TSC22D1: variants seen among roughly 807,000 people sequenced by gnomAD.
TSC22D1 encodes the protein TSC22 domain family member 1.
Under a neutral mutation model 74.2 loss-of-function variants are expected in TSC22D1, and 9 were observed. The ratio of observed to expected loss-of-function variants is 0.12; its 90% CI spans 0.07 to 0.21. TSC22D1 has a LOEUF of 0.21. TSC22D1 is among the 10% of genes least tolerant of loss of function. TSC22D1 has a pLI of 1.00. For synonymous variants in TSC22D1, 586 were observed against 492.5 expected (o/e 1.19, Z -2.51); for missense variants, 1,427 against 1,304.7 (o/e 1.09, Z -1.44).
At chr13:44,505,166 T>C (rs1879389865) in intron 1 of TSC22D1, among the ~76,000 whole-genome samples, 1 of 152,214 alleles carries the variant, frequency 6.6e-6, no homozygotes, top group Admixed American at 6.5e-5. Flanking sequence ...CAGTGGCTCA[T>C]GCCTGCAATC....
intron 1 of TSC22D1, among the ~76,000 whole-genome samples, chr13:44,535,636 AC>A (rs1452526465): frequency 6.6e-6 from 1 of 151,854 alleles, no homozygotes; most frequent in Non-Finnish European, 1.5e-5. Flanking sequence ...AAACAAACAA[AC>A]AAACAAAAAA....
chr13:44,546,749 C>CTT (rs150455555), intron 1 of TSC22D1, among the ~76,000 whole-genome samples: 1 of 146,646 alleles, frequency 6.8e-6, no homozygotes, highest in East Asian at 2.0e-4. Flanking sequence ...GTGTGAAATA[C>CTT]GTGTGTGTGT....
At position 44,434,735 on chromosome 13, in the gene TSC22D1, T is replaced by A. The variant is rs1178481749; in HGVS notation, c.3113A>T (p.Gln1038Leu). The change falls in exon 3 of 3, where the codon CAG becomes CTG. Residue 1038 changes from glutamine (Q) to leucine (L), a missense_variant. Transcript: ENST00000458659. ...KTLASPEQLA[Q>L]FQAQLQTGSP... is the part of the protein sequence containing the mutation. ...GCCAGTCTGCAGCTGGGCCTGAAAC[T>A]GGGCAAGCTGCTCAGGACTGGCCAG... The A allele has an allele frequency of 6.2e-7, 1 of 1,613,662 alleles. No homozygotes were observed. Among genetic ancestry groups the A allele is most frequent in the East Asian group, 2.2e-5 (1 of 44,874 alleles).
At chr13:44,571,031 A>C (rs1332622010) in intron 1 of TSC22D1, among the ~76,000 whole-genome samples, 2 of 152,232 alleles carry the variant, frequency 1.3e-5, no homozygotes, top group Non-Finnish European at 2.9e-5. Context: ...CACAGAATTT[A>C]AGATACCGCT....
At chr13:44,458,826 G>GC (rs1286246686) in intron 1 of TSC22D1, among the ~76,000 whole-genome samples, 3 of 152,154 alleles carry the variant, frequency 2.0e-5, no homozygotes, top group Non-Finnish European at 4.4e-5. Flanking sequence ...CTCTGCCTCG[G>GC]CCCCCTCTGG....
intron 1 of TSC22D1, among the ~76,000 whole-genome samples, chr13:44,514,624 C>A (rs969978380): frequency 6.6e-6 from 1 of 152,048 alleles, no homozygotes; most frequent in Non-Finnish European, 1.5e-5. Context: ...CTTTGGGAGG[C>A]CAAAGGGGGC....
chr13:44,574,903 C>T lies in TSC22D1; in HGVS notation c.1172G>A (p.Gly391Glu). 3 of 1,614,080 alleles carry T rather than the reference C, an allele frequency of 1.9e-6. No homozygotes were observed. The highest frequency in any genetic ancestry group is 2.5e-6 in the Non-Finnish European group (3 of 1,180,018). ...TTGTTGCTGCTGACTTGAAACCGAT[C>T]CCCCAGTCATCCCTGCAGCTGCATT... ...VPNAAAGMTG[G>E]SVSSQQQQPT... is the part of the protein sequence containing the mutation. The change falls in exon 1 of 3, where the codon GGA becomes GAA. Residue 391 changes from glycine (G) to glutamate (E), a missense_variant. Around this residue, in one of 3 missense-constraint regions of TSC22D1, gnomAD observed 1,343 missense variants for 1,191.5 expected, o/e 1.13. Transcript: ENST00000458659.
intron 1 of TSC22D1, among the ~76,000 whole-genome samples, chr13:44,462,321 G>A (rs1039332704): frequency 1.1e-4 from 17 of 152,116 alleles, no homozygotes; most frequent in African/African-American, 3.9e-4. Context: ...AACATTTTTG[G>A]AAAGGTGCTG....
intron 1 of TSC22D1, among the ~76,000 whole-genome samples, chr13:44,517,145 T>C (rs1880030763): frequency 6.6e-6 from 1 of 152,206 alleles, no homozygotes; most frequent in African/African-American, 2.4e-5. Context: ...CTAGATTATA[T>C]GTGTGTATAT....
chr13:44,495,985 G>A (rs188803017), intron 1 of TSC22D1, among the ~76,000 whole-genome samples: 1 of 152,186 alleles, frequency 6.6e-6, no homozygotes, highest in East Asian at 1.9e-4. Context: ...TAGATAAATT[G>A]AACTTCATCA....
At chr13:44,535,887 G>C (rs1041963183) in intron 1 of TSC22D1, among the ~76,000 whole-genome samples, 1 of 151,796 alleles carries the variant, frequency 6.6e-6, no homozygotes. Context: ...ATATTTTTCA[G>C]GTTTCCAATG....
At chr13:44,549,997 G>A (rs1176969859) in intron 1 of TSC22D1, among the ~76,000 whole-genome samples, 1 of 152,054 alleles carries the variant, frequency 6.6e-6, no homozygotes, top group Non-Finnish European at 1.5e-5. Flanking sequence ...AGTTTCCACA[G>A]CTATTTCCAC....
intron 1 of TSC22D1, among the ~76,000 whole-genome samples, chr13:44,470,375 T>C (rs1877529836): frequency 1.3e-5 from 2 of 152,082 alleles, no homozygotes; most frequent in Admixed American, 1.3e-4. Context: ...TTGAAACAGC[T>C]CTCCAATTAC....
At chr13:44,555,750 A>C (rs1464738649) in intron 1 of TSC22D1, among the ~76,000 whole-genome samples, 1 of 143,238 alleles carries the variant, frequency 7.0e-6, no homozygotes, top group Non-Finnish European at 1.5e-5. Flanking sequence ...TTAAAATACC[A>C]AAAAAAAAAA....
At chr13:44,459,798 G>A (rs144091896) in intron 1 of TSC22D1, among the ~76,000 whole-genome samples, 39 of 152,302 alleles carry the variant, frequency 2.6e-4, no homozygotes, top group South Asian at 1.9e-3. Context: ...CAGAGCCGGC[G>A]CCTAGAGCTG....
intron 1 of TSC22D1, among the ~76,000 whole-genome samples, chr13:44,523,034 A>G (rs1880388147): frequency 6.6e-6 from 1 of 150,860 alleles, no homozygotes; most frequent in Non-Finnish European, 1.5e-5. Flanking sequence ...AAGATAATAG[A>G]GAAAAAAAAA....
intron 1 of TSC22D1, among the ~76,000 whole-genome samples, chr13:44,517,232 A>C (rs1880034093): frequency 6.6e-6 from 1 of 152,140 alleles, no homozygotes; most frequent in African/African-American, 2.4e-5. Context: ...CCTATTTTAC[A>C]AACTAATATT....
At chr13:44,558,328 TA>T (rs960658231) in intron 1 of TSC22D1, among the ~76,000 whole-genome samples, 3 of 152,112 alleles carry the variant, frequency 2.0e-5, no homozygotes, top group Admixed American at 6.6e-5. Flanking sequence ...AATAATACAG[TA>T]AAAAAAATTT....
At chr13:44,456,715 A>G (rs1306972423) in intron 1 of TSC22D1, among the ~76,000 whole-genome samples, 1 of 152,232 alleles carries the variant, frequency 6.6e-6, no homozygotes, top group African/African-American at 2.4e-5. Flanking sequence ...TAAGAGGAGG[A>G]CAACATTCAG....
Sources: allele counts gnomAD v4.1 joint callset (sites outside exome capture counted in the v4.1 genomes callset), GRCh38; gene constraint gnomAD v4.1.1; regional missense constraint gnomAD v4.1.1; transcripts MANE v1.5; gene names NCBI Gene and HGNC (gene_info 2026-07-23, HGNC 2026-07-21).